The following PRSS57 variants were observed in gnomAD, a reference collection of about 807,000 sequenced individuals.
PRSS57 encodes the protein serine protease 57, also known as neutrophil serine protease 4.
Under a neutral mutation model 20.6 loss-of-function variants are expected in PRSS57, and 19 were observed. The ratio of observed to expected loss-of-function variants is 0.92; its 90% CI spans 0.64 to 1.35. PRSS57 has a LOEUF of 1.35. Ranked by LOEUF, PRSS57 falls within the 40% of genes most tolerant of loss-of-function variation. The pLI is 0.00. For synonymous variants in PRSS57, 203 were observed against 176.6 expected, an observed-to-expected ratio of 1.15 and a Z score of -1.19; for missense variants, 440 against 403.7, an observed-to-expected ratio of 1.09 and a Z score of -0.77.
intron 3 of PRSS57, among the ~76,000 whole-genome samples, chr19:687,424 G>C (rs1158257632): frequency 6.6e-6 from 1 of 151,772 alleles, no homozygotes; most frequent in African/African-American, 2.4e-5. Context: ...TCTTTTTTTT[G>C]AGATGGAGTC....
chr19:690,643 G>T, intron 3 of PRSS57: 1 of 245,422 alleles, frequency 4.1e-6, no homozygotes, highest in South Asian at 5.0e-5. Context: ...TTATGCCGGT[G>T]CAGAAGCAGA....
chr19:693,749 T>A (rs1267723432), intron 2 of PRSS57, among the ~76,000 whole-genome samples: 1 of 150,536 alleles, frequency 6.6e-6, no homozygotes, highest in African/African-American at 2.4e-5. Flanking sequence ...ATTTTCGTAT[T>A]TTTTTTTTGA....
intron 3 of PRSS57, chr19:690,880 G>A (rs946402084): frequency 4.4e-5 from 17 of 386,438 alleles, no homozygotes; most frequent in African/African-American, 1.1e-4. Context: ...GCGGCTCTGC[G>A]CTGGTGTGCC....
chr19:687,727 T>G (rs1296137700), intron 3 of PRSS57, among the ~76,000 whole-genome samples: 1 of 152,014 alleles, frequency 6.6e-6, no homozygotes, highest in Non-Finnish European at 1.5e-5. Flanking sequence ...TCAAACTCCA[T>G]CTCCTTCCTT....
intron 3 of PRSS57, chr19:691,150 C>T (rs567785659): frequency 2.9e-5 from 6 of 208,778 alleles, no homozygotes; most frequent in East Asian, 1.0e-4. Flanking sequence ...TGCAGACGCC[C>T]GGCTCCAGCT....
rs2144807583 is a variant in PRSS57 at position 687,162 on chromosome 19, A to C, written c.405T>G (p.Pro135=). 2 of 1,586,890 alleles carry C rather than the reference A, an allele frequency of 1.3e-6. No individual in the cohort carries two copies. Among genetic ancestry groups the C allele is most frequent in the East Asian group, 4.6e-5 (2 of 43,776 alleles). ...CTGGCGGCCTCAGCAGCCCCACTGC[A>C]GGGCCCAGGACAGCAGAGCCGTTCA... ...LRLNGSAVLG[P]AVGLLRPPGR... Residue 135 remains proline (P), a synonymous_variant, in exon 4 of 5, where the codon CCT becomes CCG. Coordinates refer to ENST00000329267, the MANE Select transcript of PRSS57 (RefSeq NM_001308209.2).
intron 2 of PRSS57, among the ~76,000 whole-genome samples, chr19:693,954 A>C (rs1243089456): frequency 6.6e-6 from 1 of 151,994 alleles, no homozygotes; most frequent in Non-Finnish European, 1.5e-5. Context: ...ATTAGCCAGG[A>C]TGGTCTCGAT....
chr19:690,103 G>A (rs1245303234), intron 3 of PRSS57, among the ~76,000 whole-genome samples: 4 of 151,344 alleles, frequency 2.6e-5, no homozygotes, highest in African/African-American at 9.7e-5. Context: ...ACGAGGTCAA[G>A]AGATCGAGAC....
intron 4 of PRSS57, 64 bp from the exon 5 acceptor site, chr19:685,986 G>T: frequency 7.4e-7 from 1 of 1,346,522 alleles, no homozygotes. Flanking sequence ...TCTCACCACG[G>T]CCCTCCCTGC....
intron 2 of PRSS57, 69 bp downstream of exon 2, chr19:694,745 A>T (rs1239763389): frequency 2.1e-6 from 3 of 1,456,870 alleles, no homozygotes; most frequent in African/African-American, 3.0e-5. Flanking sequence ...CAGCTCCCCC[A>T]CCAGCCTGGA....
At chr19:694,704 A>T in intron 2 of PRSS57, 110 bp downstream of exon 2, 1 of 1,247,356 alleles carries the variant, frequency 8.0e-7, no homozygotes, top group Non-Finnish European at 1.1e-6. Context: ...CCCTGCTGAG[A>T]CTCCCCCTCC....
chr19:690,181 G>A (rs563916119), intron 3 of PRSS57, among the ~76,000 whole-genome samples: 1 of 150,362 alleles, frequency 6.7e-6, no homozygotes, highest in East Asian at 2.0e-4. Flanking sequence ...CGTGGTGGCG[G>A]GCGCCTGTAA....
chr19:687,237 G>A (rs1193616771), intron 3 of PRSS57, 49 bp from the exon 4 acceptor site: 14 of 1,441,716 alleles, frequency 9.7e-6, no homozygotes, highest in East Asian at 5.1e-5. Flanking sequence ...CCCCACCCCC[G>A]CTCCTGCCTC....
chr19:692,961 T>G (rs1392528462), intron 2 of PRSS57, among the ~76,000 whole-genome samples: 1 of 151,596 alleles, frequency 6.6e-6, no homozygotes, highest in African/African-American at 2.4e-5. Context: ...GGAGTCTCGC[T>G]CTGTCACCCA....
rs1310565364 is a variant in PRSS57 at position 690,094 on chromosome 19, C to T, written c.378+1764G>A. 4.7e-5 allele frequency among the ~76,000 whole-genome samples: 7 copies of T among 149,780 alleles called. No homozygotes were observed. The South Asian group carries it at 6.4e-4, about 14-fold the overall frequency. On this transcript the variant is annotated intron_variant, in intron 3 of 4. Coordinates refer to ENST00000329267, the MANE Select transcript of PRSS57 (RefSeq NM_001308209.2). The stretch of plus-strand genomic sequence containing the variant: ...TTGGGAGGCAGAGGTGGGCGGATCA[C>T]GAGGTCAAGAGATCGAGACCATCCT...
chr19:685,905 G>T lies in PRSS57; in HGVS notation c.660C>A (p.Pro220=). 1 of 1,546,050 alleles carries T rather than the reference G, an allele frequency of 6.5e-7. No individual in the cohort carries two copies. Among genetic ancestry groups the T allele is most frequent in the East Asian group, 2.4e-5 (1 of 40,938 alleles). ...RGFCSADSGG[P]LVCRNRAHGL... is the part of the protein sequence containing the mutation. ...CGTGAGCCCGGTTCCTGCACACCAG[G>T]GGCCCTCCGGAGTCGGCCTGGAGTG... is the stretch of plus-strand genomic sequence containing the variant. The change falls in exon 5 of 5, where the codon CCC becomes CCA. Residue 220 remains proline, a synonymous_variant. Transcript: ENST00000329267.
chr19:688,098 C>G (rs1262517847), intron 3 of PRSS57, among the ~76,000 whole-genome samples: 1 of 152,252 alleles, frequency 6.6e-6, no homozygotes, highest in African/African-American at 2.4e-5. Flanking sequence ...GGCCCTGGCC[C>G]TGGCAATTGG....
chr19:692,398 G>C (rs1471364662), intron 2 of PRSS57, among the ~76,000 whole-genome samples: 1 of 148,738 alleles, frequency 6.7e-6, no homozygotes, highest in African/African-American at 2.5e-5. Flanking sequence ...AATTACTTTT[G>C]CATCAACTTA....
chr19:692,179 G>T (rs2031668151), intron 2 of PRSS57, among the ~76,000 whole-genome samples, 177 bp from the exon 3 acceptor site: 1 of 150,842 alleles, frequency 6.6e-6, no homozygotes, highest in Non-Finnish European at 1.5e-5. Flanking sequence ...AGACCAGCCT[G>T]ATCAACATGG....
Sources: gnomAD v4.1 joint callset for allele counts (sites outside exome capture counted in the v4.1 genomes callset) on GRCh38, gnomAD v4.1.1 for gene constraint, MANE v1.5 for transcripts, NCBI Gene and HGNC (gene_info 2026-07-23, HGNC 2026-07-21) for gene names.